EPHA5: variants seen among roughly 807,000 people sequenced by gnomAD.
The protein encoded by EPHA5 is ephrin type-A receptor 5.
A neutral mutation model predicts 105.0 loss-of-function variants in EPHA5; 60 were observed. The observed-to-expected ratio is 0.57, with a 90% CI of 0.46 to 0.71. The LOEUF is 0.71. Ranked by LOEUF, EPHA5 falls within the 30% of genes least tolerant of loss-of-function variation. The pLI is 0.00. For synonymous variants in EPHA5, 513 were observed against 449.1 expected, an observed-to-expected ratio of 1.14 and a Z score of -1.80; for missense variants, 1,218 against 1,274.7, an observed-to-expected ratio of 0.96 and a Z score of 0.68.
chr4:65,375,283 T>A (rs1003726563), intron 8 of EPHA5, among the ~76,000 whole-genome samples: 3 of 151,672 alleles, frequency 2.0e-5, no homozygotes, highest in Admixed American at 6.6e-5. Context: ...TGGCTAAATC[T>A]TTTTTATTTT....
intron 5 of EPHA5, among the ~76,000 whole-genome samples, chr4:65,464,378 T>C (rs1199192956): frequency 6.6e-6 from 1 of 152,030 alleles, no homozygotes; most frequent in East Asian, 1.9e-4. Context: ...GATACTTGGC[T>C]CAGGAGATTG....
chr4:65,443,565 C>T (rs995023917), intron 5 of EPHA5, among the ~76,000 whole-genome samples: 1 of 151,954 alleles, frequency 6.6e-6, no homozygotes, highest in Non-Finnish European at 1.5e-5. Context: ...ACCTTAGAAG[C>T]CTGGGGGAGG....
intron 11 of EPHA5, among the ~76,000 whole-genome samples, chr4:65,354,615 T>C (rs1577898860): frequency 6.6e-6 from 1 of 151,882 alleles, no homozygotes; most frequent in East Asian, 1.9e-4. Context: ...GCATTATAAT[T>C]AATTTAATGG....
intron 2 of EPHA5, among the ~76,000 whole-genome samples, chr4:65,642,217 A>G (rs189255624): frequency 6.6e-6 from 1 of 152,236 alleles, no homozygotes; most frequent in East Asian, 1.9e-4. Context: ...TTTTTGGTAC[A>G]TGAAAAAAGG....
At chr4:65,468,606 T>C (rs1274109256) in intron 5 of EPHA5, among the ~76,000 whole-genome samples, 2 of 1,190 alleles carry the variant, frequency 1.7e-3, no homozygotes, top group Non-Finnish European at 7.4e-3. Flanking sequence ...ATATATATTA[T>C]ATATATTATA....
At chr4:65,549,448 T>A (rs35661129) in intron 3 of EPHA5, among the ~76,000 whole-genome samples, 36,896 of 152,038 alleles carry the variant, frequency 0.24, 4,607 homozygotes, top group African/African-American at 0.28. Context: ...TCAACGTTTA[T>A]ACAACAATGA....
intron 3 of EPHA5, among the ~76,000 whole-genome samples, chr4:65,538,187 T>C (rs1736475681): frequency 6.6e-6 from 1 of 151,756 alleles, no homozygotes. Flanking sequence ...AGGTCTAGGG[T>C]ACGGAGATAT....
intron 2 of EPHA5, among the ~76,000 whole-genome samples, chr4:65,632,735 T>C (rs183206108): frequency 2.0e-5 from 3 of 152,096 alleles, no homozygotes; most frequent in East Asian, 1.9e-4. Flanking sequence ...TCGATAACAC[T>C]ATAAATATCT....
At chr4:65,502,782 G>C (rs1481976680) in intron 3 of EPHA5, among the ~76,000 whole-genome samples, 1 of 151,682 alleles carries the variant, frequency 6.6e-6, no homozygotes, top group Non-Finnish European at 1.5e-5. Context: ...CTGACAAAAA[G>C]ATATATGTGT....
chr4:65,519,247 C>T (rs1405269202), intron 3 of EPHA5, among the ~76,000 whole-genome samples: 1 of 151,708 alleles, frequency 6.6e-6, no homozygotes, highest in Admixed American at 6.6e-5. Flanking sequence ...AACTGTAAAC[C>T]AGCATATAAA....
chr4:65,394,069 T>C (rs1720981662), intron 8 of EPHA5, among the ~76,000 whole-genome samples: 1 of 152,196 alleles, frequency 6.6e-6, no homozygotes, highest in Admixed American at 6.5e-5. Context: ...AAGTCAGGAA[T>C]GACCATGGAG....
rs375343771 is a variant in EPHA5, at chr4:65,633,366, AG to A, written c.246+9996del. On this transcript the variant is annotated intron_variant, in intron 2 of 16. Coordinates refer to ENST00000613740, the MANE Select transcript of EPHA5 (RefSeq NM_001281766.3). ...GAATTGAAAACAGCTGAAGGATGAT[AG>A]GAAAAAAAAGATCATGATAAACACC... is the stretch of plus-strand genomic sequence containing the variant. Among the ~76,000 whole-genome samples the A allele has an allele frequency of 3.0e-3, 425 of 142,864 alleles. 3 individuals carry two copies. The highest frequency in any genetic ancestry group is 9.7e-3 in the African/African-American group (391 of 40,220). The allele number at this position is 142,864 out of a possible 152,430, so 93.7% of individuals were successfully genotyped here.
chr4:65,347,110 T>A (rs976517128), intron 14 of EPHA5, among the ~76,000 whole-genome samples: 4 of 152,144 alleles, frequency 2.6e-5, no homozygotes, highest in African/African-American at 9.7e-5. Context: ...CTATATAGTA[T>A]CTGTCTAACC....
chr4:65,385,700 A>G (rs1248433721), intron 8 of EPHA5, among the ~76,000 whole-genome samples: 1 of 151,916 alleles, frequency 6.6e-6, no homozygotes, highest in African/African-American at 2.4e-5. Context: ...TATGGTTACA[A>G]TTGCTTTATA....
chr4:65,511,668 A>G (rs567344060), intron 3 of EPHA5, among the ~76,000 whole-genome samples: 1 of 152,348 alleles, frequency 6.6e-6, no homozygotes, highest in East Asian at 1.9e-4. Context: ...CAAATGCTCT[A>G]AGAAAAGTTT....
At chr4:65,428,102 T>G (rs1420515124) in intron 5 of EPHA5, among the ~76,000 whole-genome samples, 3 of 152,132 alleles carry the variant, frequency 2.0e-5, no homozygotes, top group Non-Finnish European at 1.5e-5. Context: ...CTACATATAG[T>G]GATTACTTTG....
rs772120916 is a variant in EPHA5 at position 65,322,598 on chromosome 4, T to C, written c.*1516A>G. 4.5e-6 allele frequency: 1 copy of C among 224,360 alleles called. No individual in the cohort carries two copies. The highest frequency in any genetic ancestry group is 8.9e-6 in the Non-Finnish European group (1 of 112,542). The allele number at this position is 224,360 out of a possible 1,614,324, so 13.9% of individuals were successfully genotyped here. ...TTTCTAATACACTGCATAATTTGTATCACAAATATAAGTCTTCATCATGTG... is the reference window on the plus strand; with the variant it reads ...TTTCTAATACACTGCATAATTTGTACCACAAATATAAGTCTTCATCATGTG... On this transcript the variant is annotated 3_prime_UTR_variant, in exon 17 of 17. Coordinates refer to ENST00000613740, the MANE Select transcript of EPHA5 (RefSeq NM_001281766.3).
In EPHA5 at chr4:65,351,109, C is replaced by A. The variant is rs190031898; in HGVS notation, c.2445+280G>T. On this transcript the variant is annotated intron_variant, in intron 13 of 16. Coordinates refer to ENST00000613740, the MANE Select transcript of EPHA5 (RefSeq NM_001281766.3). ...TACTTTGAAATTTAAGATGATTATT[C>A]TTACATGCTGTATCCATTCTGAAGT... Among the ~76,000 whole-genome samples the A allele has an allele frequency of 1.1e-3, 171 of 151,766 alleles. 1 individual carries two copies. The highest frequency in any genetic ancestry group is 3.8e-3 in the African/African-American group (156 of 41,402).
intron 3 of EPHA5, among the ~76,000 whole-genome samples, chr4:65,529,657 T>C (rs755076179): frequency 8.5e-5 from 13 of 152,164 alleles, no homozygotes; most frequent in Non-Finnish European, 1.3e-4. Flanking sequence ...TTAATAAATG[T>C]CATGGTTTCA....
Sources: allele counts gnomAD v4.1 joint callset (sites outside exome capture counted in the v4.1 genomes callset), GRCh38; gene constraint gnomAD v4.1.1; transcripts MANE v1.5; gene names NCBI Gene and HGNC (gene_info 2026-07-23, HGNC 2026-07-21).